The following ZNF333 variants were observed in gnomAD, a reference collection of about 807,000 sequenced individuals.
The protein encoded by ZNF333 is zinc finger protein 333.
A neutral mutation model predicts 76.1 loss-of-function variants in ZNF333; 61 were observed. That is an observed-to-expected ratio of 0.80 (90% CI 0.65 to 0.99). The LOEUF is 0.99. Among genes scored for constraint, ZNF333 ranks in the 50% least tolerant of loss-of-function variants. The probability of loss-of-function intolerance (pLI) is 0.00; values close to 1 mark genes in which losing one functional copy is unlikely to be tolerated. For missense variants in ZNF333, 717 were observed against 822.4 expected, an observed-to-expected ratio of 0.87 and a Z score of 1.57; for synonymous variants, 284 against 305.0, an observed-to-expected ratio of 0.93 and a Z score of 0.72.
intron 10 of ZNF333, chr19:14,717,430 T>C: frequency 1.8e-6 from 1 of 563,454 alleles, no homozygotes; most frequent in Non-Finnish European, 3.2e-6. Context: ...AATTACCTAC[T>C]ATTTCCTTCC....
chr19:14,712,779 A>G (rs1346064046), intron 7 of ZNF333, among the ~76,000 whole-genome samples: 2 of 152,040 alleles, frequency 1.3e-5, no homozygotes, highest in Non-Finnish European at 2.9e-5. Context: ...ATCATATTGG[A>G]TTAAGGGCCT....
chr19:14,694,903 T>C, intron 2 of ZNF333, 107 bp from the exon 3 acceptor site: 1 of 1,531,356 alleles, frequency 6.5e-7, no homozygotes, highest in East Asian at 2.3e-5. Context: ...GGCTGGATTT[T>C]CCATGCCTGC....
chr19:14,718,504 T>G lies in ZNF333; in HGVS notation c.1177T>G (p.Cys393Gly), dbSNP rs556523363. 5 of 1,614,242 alleles carry G rather than the reference T, an allele frequency of 3.1e-6. No homozygotes were observed. In the South Asian group the frequency reaches 5.5e-5, roughly 18 times the overall value. ...TGAGAAGACTCATACTGCAGAGAAG[T>G]GCTTTGACTGTCAAGAATGTGGGCA... is the stretch of plus-strand genomic sequence containing the variant. The part of the protein sequence containing the change: ...RHEKTHTAEK[C>G]FDCQECGQAF... The change falls in exon 12 of 12, where the codon TGC becomes GGC. Residue 393 changes from cysteine to glycine, a missense_variant. By Grantham distance (159) the Cys-to-Gly change is radical. Transcript: ENST00000292530.
rs1195211564 is a variant in ZNF333, at chr19:14,720,580, C to G, written c.*1255C>G. 1.0e-6 allele frequency: 1 copy of G among 985,276 alleles called. No homozygotes were observed. The highest frequency in any genetic ancestry group is 1.2e-6 in the Non-Finnish European group (1 of 829,936). 61.0% of individuals were successfully genotyped at this position (985,276 alleles called of 1,614,324 possible). On this transcript the variant is annotated 3_prime_UTR_variant, in exon 12 of 12. Coordinates refer to ENST00000292530, the MANE Select transcript of ZNF333 (RefSeq NM_032433.4). ...ATGTCCCATACATGAAAAATATGCA[C>G]TTCTTACTGGTACAGTTTTCTTTTG...
intron 2 of ZNF333, among the ~76,000 whole-genome samples, chr19:14,694,195 G>A (rs1050774119): frequency 9.2e-5 from 14 of 151,992 alleles, no homozygotes; most frequent in African/African-American, 3.1e-4. Context: ...AGATGAGGCC[G>A]GGCGTGGTGG....
chr19:14,708,424 C>A, intron 7 of ZNF333: 1 of 401,206 alleles, frequency 2.5e-6, no homozygotes, highest in African/African-American at 2.0e-5. Flanking sequence ...TCACGGTCAG[C>A]TGGGTGGTCA....
Position 14,693,487 on chromosome 19 carries a change from G to A in ZNF333, c.-5G>A, listed in dbSNP as rs1972923197. Reference sequence around the variant, plus strand: ...ACTGAGACCTCAAACCCTGGCTCCAGTGTCATGGTGAGGAAACTGGGGGCT... The same window carrying A: ...ACTGAGACCTCAAACCCTGGCTCCAATGTCATGGTGAGGAAACTGGGGGCT... On this transcript the variant is annotated 5_prime_UTR_variant, in exon 2 of 12. In the 5' UTR this introduces an upstream ATG that the reference lacks. Transcript: ENST00000292530. The A allele has an allele frequency of 4.4e-6, 7 of 1,602,390 alleles. No homozygotes were observed. The South Asian group carries it at 7.8e-5, about 18-fold the overall frequency.
chr19:14,716,189 C>G lies in ZNF333; in HGVS notation c.678C>G (p.Ser226Arg), dbSNP rs2042425375. Residue 226 changes from serine (S) to arginine (R), a missense_variant, in exon 9 of 12, where the codon AGC becomes AGG. Physicochemically the swap from Ser to Arg is moderately radical, Grantham distance 110. Transcript: ENST00000292530. Reference protein sequence around the residue: ...EWVFLDSTQRSLYRDVMLENY... With the variant: ...EWVFLDSTQRRLYRDVMLENY... ...TGTTTCTGGACTCTACTCAGAGGAG[C>G]CTGTATAGAGATGTGATGCTGGAGA... 6.2e-7 allele frequency: 1 copy of G among 1,613,922 alleles called. No homozygotes were observed. The highest frequency in any genetic ancestry group is 1.3e-5 in the African/African-American group (1 of 74,874).
At chr19:14,695,810 CTTCTATTTTCACT>C in intron 4 of ZNF333, 149 bp downstream of exon 4, 1 of 652,358 alleles carries the variant, frequency 1.5e-6, no homozygotes, top group Non-Finnish European at 2.8e-6. Flanking sequence ...TTTAGCTTCT[CTTCTATTTTCACT>C]TTCTAGCCCT....
intron 9 of ZNF333, among the ~76,000 whole-genome samples, chr19:14,716,627 C>T (rs1398242083): frequency 1.3e-5 from 2 of 152,130 alleles, no homozygotes; most frequent in African/African-American, 2.4e-5. Flanking sequence ...GTCTGGGAAA[C>T]CTAGTGGTGA....
chr19:14,723,743 G>A (rs2042616667), downstream of ZNF333, among the ~76,000 whole-genome samples: 1 of 152,044 alleles, frequency 6.6e-6, no homozygotes, highest in African/African-American at 2.4e-5. Context: ...TACTCTCCTT[G>A]GTCCAAGTTA....
Position 14,717,064 on chromosome 19 carries a change from G to A in ZNF333, c.798G>A (p.Arg266=), listed in dbSNP as rs751701137. ...GAGGAGAGCAGTGGACCACTGACAG[G>A]GGCGTCCTCTCAGACACCTGTGCAG... ...EERGEQWTTD[R]GVLSDTCAEP... is the part of the protein sequence containing the mutation. The change falls in exon 10 of 12, where the codon AGG becomes AGA. Residue 266 remains arginine, a synonymous_variant. Coordinates refer to ENST00000292530, the MANE Select transcript of ZNF333 (RefSeq NM_032433.4). 1.2e-6 allele frequency: 2 copies of A among 1,609,574 alleles called. No individual in the cohort carries two copies. The highest frequency in any genetic ancestry group is 2.2e-5 in the East Asian group (1 of 44,826).
rs2042113289 is a variant in ZNF333 at position 14,706,475 on chromosome 19, G to C, written c.424-211G>C. ...GCCACCTTCCCCAGCCCCTGCCTGG[G>C]TGCCCTCTCTCCAGGCCATTTTGGA... On this transcript the variant is annotated intron_variant, in intron 6 of 11. Transcript: ENST00000292530. The C allele has an allele frequency of 5.4e-6, 3 of 559,060 alleles. No homozygotes were observed. In the East Asian group the frequency reaches 9.6e-5, roughly 18 times the overall value. 34.6% of individuals were successfully genotyped at this position (559,060 alleles called of 1,614,324 possible).
At chr19:14,717,806 G>A (rs2042479397) in intron 11 of ZNF333, 73 bp downstream of exon 11, 3 of 1,483,164 alleles carry the variant, frequency 2.0e-6, no homozygotes, top group South Asian at 1.2e-5. Context: ...AGTTAGAAAA[G>A]CAGCCCAAGA....
intron 7 of ZNF333, 29 bp from the exon 8 acceptor site, chr19:14,715,353 A>G (rs1449579393): frequency 2.5e-6 from 4 of 1,606,902 alleles, no homozygotes; most frequent in African/African-American, 1.3e-5. Context: ...CCAGGCACCA[A>G]CCCTCATGCC....
At position 14,719,452 on chromosome 19, in the gene ZNF333, T is replaced by A; in HGVS notation, c.*127T>A. 1 of 1,173,376 alleles carries A rather than the reference T, an allele frequency of 8.5e-7. No homozygotes were observed. Among genetic ancestry groups the A allele is most frequent in the South Asian group, 1.7e-5 (1 of 58,506 alleles). 72.7% of individuals were successfully genotyped at this position (1,173,376 alleles called of 1,614,324 possible). A position where few individuals can be genotyped will look rare whatever the true frequency, so the allele number is the denominator to read the frequency against. ...TTTAATTGTAAGTATTGTCTTAACC[T>A]CCATTATCGTTTATTCTTTGACCCA... On this transcript the variant is annotated 3_prime_UTR_variant, in exon 12 of 12. Transcript: ENST00000292530.
Position 14,718,766 on chromosome 19 carries a change from G to T in ZNF333, c.1439G>T (p.Cys480Phe). ...RTHTGEKPFE[C>F]SQCGKAFREH... ...CACACTGGAGAGAAGCCCTTTGAAT[G>T]CAGCCAGTGTGGGAAAGCCTTCAGG... The change falls in exon 12 of 12, where the codon TGC becomes TTC. Residue 480 changes from cysteine to phenylalanine, a missense_variant. Transcript: ENST00000292530. 1 of 1,614,114 alleles carries T rather than the reference G, an allele frequency of 6.2e-7. No individual in the cohort carries two copies. The highest frequency in any genetic ancestry group is 8.5e-7 in the Non-Finnish European group (1 of 1,180,008).
chr19:14,706,482 C>G (rs1203394831), intron 6 of ZNF333: 5 of 571,794 alleles, frequency 8.7e-6, no homozygotes, highest in Non-Finnish European at 1.6e-5. Flanking sequence ...TGGGTGCCCT[C>G]TCTCCAGGCC....
At chr19:14,706,146 T>A (rs778348645) in intron 6 of ZNF333, 75 of 457,514 alleles carry the variant, frequency 1.6e-4, no homozygotes, top group Non-Finnish European at 2.6e-4. Flanking sequence ...TTAGTTCTCC[T>A]GGACTCCAGT....
Sources: allele counts gnomAD v4.1 joint callset (sites outside exome capture counted in the v4.1 genomes callset), GRCh38; gene constraint gnomAD v4.1.1; transcripts MANE v1.5; gene names NCBI Gene and HGNC (gene_info 2026-07-23, HGNC 2026-07-21).